The following RTN4R variants were observed in gnomAD, a reference collection of about 807,000 sequenced individuals.
RTN4R encodes the protein reticulon 4 receptor.
In RTN4R, 4 loss-of-function variants were observed where a neutral mutation model predicts 27.7. That is an observed-to-expected ratio of 0.14 (90% CI 0.07 to 0.33). The LOEUF is 0.33. Ranked by LOEUF, RTN4R falls within the 10% of genes least tolerant of loss-of-function variation. The pLI, the probability that RTN4R is intolerant of heterozygous loss-of-function variation, is 1.00. For missense variants in RTN4R, 554 were observed against 671.5 expected (o/e 0.83, Z 1.93); for synonymous variants, 290 against 305.6 (o/e 0.95, Z 0.53).
At chr22:20,262,449 G>A (rs562003729) in intron 1 of RTN4R, among the ~76,000 whole-genome samples, 5 of 152,278 alleles carry the variant, frequency 3.3e-5, no homozygotes, top group Admixed American at 1.3e-4. Flanking sequence ...TGGCAGCGGA[G>A]GGGGGACATG....
At chr22:20,254,384 A>G (rs1386008451) in intron 1 of RTN4R, among the ~76,000 whole-genome samples, 1 of 151,150 alleles carries the variant, frequency 6.6e-6, no homozygotes, top group Admixed American at 6.6e-5. Flanking sequence ...AGCCATGATC[A>G]TGCCACTGCA....
chr22:20,248,510 A>G (rs552887014), intron 1 of RTN4R, among the ~76,000 whole-genome samples: 1 of 152,310 alleles, frequency 6.6e-6, no homozygotes, highest in East Asian at 1.9e-4. Context: ...CCAAGGACAC[A>G]TCAACGTGGG....
chr22:20,242,225 G>A lies in RTN4R; in HGVS notation c.908C>T (p.Ala303Val), dbSNP rs2051111776. Reference protein sequence around the residue: ...LAGRDLKRLAANDLQGCAVAT... With the variant: ...LAGRDLKRLAVNDLQGCAVAT... ...CACAGCGCAGCCCTGCAGGTCATTG[G>A]CAGCTAGGCGTTTGAGGTCACGGCC... The change falls in exon 2 of 2, where the codon GCC becomes GTC. Residue 303 changes from alanine (A) to valine (V), a missense_variant. This residue lies in a region of RTN4R where 413 missense variants were observed against 542.3 expected (regional missense o/e 0.76). Coordinates refer to ENST00000043402, the MANE Select transcript of RTN4R (RefSeq NM_023004.6). The A allele has an allele frequency of 6.2e-7, 1 of 1,605,440 alleles. No individual in the cohort carries two copies. Among genetic ancestry groups the A allele is most frequent in the African/African-American group, 1.3e-5 (1 of 74,814 alleles).
chr22:20,241,944 C>T lies in RTN4R; in HGVS notation c.1189G>A (p.Ala397Thr). Reference protein sequence around the residue: ...LPGSAEPPLTAVRPEGSEPPG... With the variant: ...LPGSAEPPLTTVRPEGSEPPG... ...GGCTCGGAGCCCTCGGGCCGCACTG[C>T]AGTGAGCGGGGGCTCAGCAGAGCCA... The change falls in exon 2 of 2, where the codon GCA becomes ACA. Residue 397 changes from alanine (A) to threonine (T), a missense_variant. Ala to Thr is a moderately conservative substitution (Grantham distance 58). Transcript: ENST00000043402. 6.2e-7 allele frequency: 1 copy of T among 1,608,588 alleles called. No homozygotes were observed. The highest frequency in any genetic ancestry group is 8.5e-7 in the Non-Finnish European group (1 of 1,179,402).
At chr22:20,261,489 G>A (rs1602651108) in intron 1 of RTN4R, among the ~76,000 whole-genome samples, 2 of 152,208 alleles carry the variant, frequency 1.3e-5, no homozygotes, top group African/African-American at 4.8e-5. Flanking sequence ...ACTCACCACC[G>A]CTCCAGCTTC....
At chr22:20,258,651 C>T (rs1666561610) in intron 1 of RTN4R, among the ~76,000 whole-genome samples, 1 of 152,206 alleles carries the variant, frequency 6.6e-6, no homozygotes, top group Non-Finnish European at 1.5e-5. Flanking sequence ...CCCCTCAATT[C>T]ACTGGTGAGT....
At chr22:20,259,006 C>T (rs2051228783) in intron 1 of RTN4R, among the ~76,000 whole-genome samples, 1 of 152,072 alleles carries the variant, frequency 6.6e-6, no homozygotes, top group African/African-American at 2.4e-5. Context: ...GTCTCTCAGC[C>T]AGGAGGGTAG....
At chr22:20,251,860 ATCC>A (rs1167655604) in intron 1 of RTN4R, among the ~76,000 whole-genome samples, 5 of 83,914 alleles carry the variant, frequency 6.0e-5, no homozygotes, top group South Asian at 4.2e-4. Flanking sequence ...CACCCTCACC[ATCC>A]TCATCACCAT....
intron 1 of RTN4R, chr22:20,267,581 GC>G (rs1569044169): frequency 2.1e-6 from 1 of 468,218 alleles, no homozygotes; most frequent in East Asian, 7.2e-5. Flanking sequence ...TGCCGCCAAC[GC>G]CCCCATTCAT....
intron 1 of RTN4R, among the ~76,000 whole-genome samples, chr22:20,247,013 C>T (rs991077160): frequency 5.3e-5 from 8 of 152,180 alleles, no homozygotes; most frequent in African/African-American, 7.2e-5. Flanking sequence ...GGAGGGGCCA[C>T]GAGGCATGTC....
chr22:20,256,950 C>T (rs1387571394), intron 1 of RTN4R, among the ~76,000 whole-genome samples: 1 of 152,260 alleles, frequency 6.6e-6, no homozygotes, highest in Non-Finnish European at 1.5e-5. Context: ...CACTCCACAC[C>T]TCGCTGGCCC....
chr22:20,260,046 G>A (rs1458146481), intron 1 of RTN4R, among the ~76,000 whole-genome samples: 1 of 152,146 alleles, frequency 6.6e-6, no homozygotes, highest in Non-Finnish European at 1.5e-5. Flanking sequence ...ATGAGGAGGG[G>A]AGGACCCTCC....
intron 1 of RTN4R, among the ~76,000 whole-genome samples, chr22:20,247,656 T>C (rs925540928): frequency 2.6e-5 from 4 of 152,100 alleles, no homozygotes; most frequent in Non-Finnish European, 5.9e-5. Flanking sequence ...GTGGGGGCAG[T>C]CTGCCCTTGA....
chr22:20,250,334 C>T (rs577577542), intron 1 of RTN4R, among the ~76,000 whole-genome samples: 25 of 152,282 alleles, frequency 1.6e-4, no homozygotes, highest in Non-Finnish European at 3.1e-4. Flanking sequence ...GCTGCTTTCC[C>T]GCAACAACAG....
chr22:20,242,287 G>T lies in RTN4R; in HGVS notation c.846C>A (p.Ser282=), dbSNP rs1390885155. 6.2e-7 allele frequency: 1 copy of T among 1,601,722 alleles called. No individual in the cohort carries two copies. The highest frequency in any genetic ancestry group is 8.5e-7 in the Non-Finnish European group (1 of 1,175,420). Residue 282 remains serine (S), a synonymous_variant, in exon 2 of 2, where the codon TCC becomes TCA. Coordinates refer to ENST00000043402, the MANE Select transcript of RTN4R (RefSeq NM_023004.6). ...WAWLQKFRGS[S]SEVPCSLPQR... is the part of the protein sequence containing the mutation. ...GCGGGAGGCTGCAGGGCACCTCGGA[G>T]GAGGAGCCGCGGAACTTCTGCAGCC...
intron 1 of RTN4R, among the ~76,000 whole-genome samples, chr22:20,245,200 G>T (rs572129148): frequency 1.3e-5 from 2 of 152,340 alleles, no homozygotes; most frequent in South Asian, 2.1e-4. Flanking sequence ...GTGGCGCTCA[G>T]TTCTGCCAGG....
At chr22:20,253,865 T>C (rs1160326015) in intron 1 of RTN4R, among the ~76,000 whole-genome samples, 2 of 151,198 alleles carry the variant, frequency 1.3e-5, no homozygotes, top group African/African-American at 4.9e-5. Flanking sequence ...TCAATACAAG[T>C]GTTAGAAAAC....
intron 1 of RTN4R, chr22:20,243,429 C>G (rs201186768): frequency 3.2e-6 from 2 of 621,626 alleles, no homozygotes; most frequent in African/African-American, 1.8e-5. Flanking sequence ...GGAATGGACA[C>G]TGGTGACTGC....
chr22:20,253,801 AAAAG>A (rs1419243330), intron 1 of RTN4R, among the ~76,000 whole-genome samples: 1 of 152,182 alleles, frequency 6.6e-6, no homozygotes, highest in African/African-American at 2.4e-5. Context: ...GCATCAGACA[AAAAG>A]AAAGAGTGCC....
Sources: allele counts gnomAD v4.1 joint callset (sites outside exome capture counted in the v4.1 genomes callset), GRCh38; gene constraint gnomAD v4.1.1; regional missense constraint gnomAD v4.1.1; transcripts MANE v1.5; gene names NCBI Gene and HGNC (gene_info 2026-07-23, HGNC 2026-07-21).